ANKRD24: variants seen among roughly 807,000 people sequenced by gnomAD.
ANKRD24 encodes ankyrin repeat domain 24.
In ANKRD24, 109 loss-of-function variants were observed where a neutral mutation model predicts 127.8. The ratio of observed to expected loss-of-function variants is 0.85; its 90% CI spans 0.73 to 1.00. The LOEUF is 1.00. ANKRD24 is among the 50% of genes least tolerant of loss of function. The pLI, the probability that ANKRD24 is intolerant of heterozygous loss-of-function variation, is 0.00. For missense variants in ANKRD24, 1,648 were observed against 1,570.2 expected (o/e 1.05, Z -0.84); for synonymous variants, 743 against 671.1 (o/e 1.11, Z -1.66).
At chr19:4,216,143 G>A in intron 16 of ANKRD24, 93 bp downstream of exon 16, 1 of 1,445,384 alleles carries the variant, frequency 6.9e-7, no homozygotes, top group South Asian at 1.2e-5. Flanking sequence ...TTGAAGCTGG[G>A]AGGGAGGTTT....
At position 4,195,651 on chromosome 19, in the gene ANKRD24, ACTTTGAGAGGC is replaced by A. The variant is rs1968684285; in HGVS notation, c.37-4030_37-4020del. 6.6e-6 allele frequency among the ~76,000 whole-genome samples: 1 copy of A among 152,084 alleles called. No individual in the cohort carries two copies. Among genetic ancestry groups the A allele is most frequent in the Non-Finnish European group, 1.5e-5 (1 of 68,010 alleles). ...AGTGGCTCACGCCTGTAATCCCAAC[ACTTTGAGAGGC>A]CAAGGCAGGTGGATCACGAGGTCAG... On this transcript the variant is annotated intron_variant, in intron 2 of 21. Transcript: ENST00000318934. This position sits in a 1 kb window ranked among gnomAD's most constrained non-coding sequence, Gnocchi z 4.2.
rs1414765970 is a variant in ANKRD24, at chr19:4,218,313, T to TTATG, written c.3003+151_3003+152insATGT. The TTATG allele has an allele frequency of 1.8e-5, 12 of 679,762 alleles. No homozygotes were observed. The African/African-American group carries it at 1.9e-4, about 11-fold the overall frequency. The allele number at this position is 679,762 out of a possible 1,614,324, so 42.1% of individuals were successfully genotyped here. ...TTTATTTATTTATTTATTTATTTAT[T>TTATG]TTTGAGATGGAGTTTCACTCGTGTC... On this transcript the variant is annotated intron_variant, in intron 18 of 21. Coordinates refer to ENST00000318934, the MANE Select transcript of ANKRD24 (RefSeq NM_001393985.1).
chr19:4,217,417 A>C lies in ANKRD24; in HGVS notation c.2257A>C (p.Lys753Gln), dbSNP rs1440281572. The C allele has an allele frequency of 1.3e-6, 2 of 1,546,636 alleles. No individual in the cohort carries two copies. The highest frequency in any genetic ancestry group is 1.7e-6 in the Non-Finnish European group (2 of 1,145,770). The change falls in exon 18 of 22, where the codon AAG becomes CAG. Residue 753 changes from lysine to glutamine, a missense_variant. By Grantham distance (53) the Lys-to-Gln change is moderately conservative. Transcript: ENST00000318934. The part of the protein sequence containing the change: ...AAAELEAALG[K>Q]CEAAEAEAGR... ...TGCGGAGCTGGAGGCGGCCCTGGGG[A>C]AGTGCGAGGCCGCGGAGGCCGAGGC...
intron 2 of ANKRD24, among the ~76,000 whole-genome samples, chr19:4,194,948 C>T (rs531479085): frequency 7.0e-4 from 107 of 152,106 alleles, no homozygotes; most frequent in African/African-American, 2.2e-3. Flanking sequence ...CAGTGGGCTC[C>T]GAGGGGCATT....
chr19:4,185,377 G>T (rs1461298606), intron 1 of ANKRD24, among the ~76,000 whole-genome samples: 1 of 152,052 alleles, frequency 6.6e-6, no homozygotes, highest in Non-Finnish European at 1.5e-5. Flanking sequence ...TGCATAGGTG[G>T]TAAATGCGTG....
chr19:4,212,025 C>T (rs1969769298), intron 13 of ANKRD24, among the ~76,000 whole-genome samples: 1 of 152,004 alleles, frequency 6.6e-6, no homozygotes, highest in Admixed American at 6.6e-5. Flanking sequence ...ACCGTGAAAC[C>T]CCGTCTCTAC....
chr19:4,188,619 C>A lies in ANKRD24; in HGVS notation c.36+2158C>A, dbSNP rs563036765. 6.7e-4 allele frequency among the ~76,000 whole-genome samples: 102 copies of A among 152,046 alleles called. 2 individuals are homozygous for A. Among genetic ancestry groups the A allele is most frequent in the Middle Eastern group, 6.8e-3 (2 of 292 alleles). ...CTGGTCTTAAACTCCTGGCCTCAAGCGATCCTCCTAACTCCCACCCAGAGT... is the reference window on the plus strand; with the variant it reads ...CTGGTCTTAAACTCCTGGCCTCAAGAGATCCTCCTAACTCCCACCCAGAGT... On this transcript the variant is annotated intron_variant, in intron 2 of 21. Transcript: ENST00000318934.
At chr19:4,220,048 G>A (rs557362885) in intron 19 of ANKRD24, among the ~76,000 whole-genome samples, 1 of 152,062 alleles carries the variant, frequency 6.6e-6, no homozygotes, top group Non-Finnish European at 1.5e-5. Context: ...GCATGATCTC[G>A]GCTCACTGCA....
chr19:4,220,656 G>A (rs992759790), intron 19 of ANKRD24, among the ~76,000 whole-genome samples: 3 of 151,952 alleles, frequency 2.0e-5, no homozygotes, highest in Admixed American at 2.0e-4. Flanking sequence ...CCGGGTTCAC[G>A]CCATTCTCCT....
chr19:4,215,853 C>T, intron 15 of ANKRD24, 125 bp from the exon 16 acceptor site: 2 of 698,762 alleles, frequency 2.9e-6, no homozygotes, highest in Non-Finnish European at 4.7e-6. Context: ...GGGCCAAATG[C>T]AGCCATCTGG....
rs766573730 is a variant in ANKRD24, at chr19:4,212,518, G to C, written c.1098+5G>C. The C allele has an allele frequency of 1.3e-5, 20 of 1,557,862 alleles. No individual in the cohort carries two copies. In the African/African-American group the frequency reaches 2.6e-4, roughly 20 times the overall value. ...CTGCACATCCTGGAGAGACAGGTAG[G>C]TGGGAAGGTGGGGAGGAGCCGGTCC... On this transcript the variant is annotated splice_donor_5th_base_variant and intron_variant, in intron 14 of 21. Transcript: ENST00000318934.
Position 4,207,342 on chromosome 19 carries a change from T to G in ANKRD24, c.537+30T>G, listed in dbSNP as rs748039011. On this transcript the variant is annotated intron_variant, in intron 8 of 21. Coordinates refer to ENST00000318934, the MANE Select transcript of ANKRD24 (RefSeq NM_001393985.1). ...GCTTCTGGGATCTCTTCAGGGAAGA[T>G]GTTATGCTTGAGGTATGCTGCCACC... The G allele has an allele frequency of 3.1e-6, 5 of 1,609,064 alleles. No individual in the cohort carries two copies. The South Asian group carries it at 3.3e-5, about 11-fold the overall frequency.
At chr19:4,214,964 C>T (rs963964206) in intron 15 of ANKRD24, among the ~76,000 whole-genome samples, 1 of 152,196 alleles carries the variant, frequency 6.6e-6, no homozygotes, top group Non-Finnish European at 1.5e-5. Context: ...ACACCTCCAG[C>T]CAGCTCTTTG....
chr19:4,221,328 A>G (rs909969465), intron 19 of ANKRD24, among the ~76,000 whole-genome samples: 1 of 152,024 alleles, frequency 6.6e-6, no homozygotes, highest in Non-Finnish European at 1.5e-5. Flanking sequence ...TCAGCCTCCC[A>G]AAGTGCTGGG....
At chr19:4,192,697 A>G (rs1258680886) in intron 2 of ANKRD24, among the ~76,000 whole-genome samples, 1 of 148,472 alleles carries the variant, frequency 6.7e-6, no homozygotes, top group African/African-American at 2.5e-5. Flanking sequence ...TTAGGAGATC[A>G]AGATGGGAGG....
chr19:4,183,177 T>G (rs1206573235), intron 1 of ANKRD24, among the ~76,000 whole-genome samples: 1 of 151,978 alleles, frequency 6.6e-6, no homozygotes, highest in Non-Finnish European at 1.5e-5. Context: ...ACGGGGTTTC[T>G]CCATGTTGGT....
rs771278821 is a variant in ANKRD24, at chr19:4,207,231, C to G, written c.467-11C>G. ...GAGCTACCGCACCGGACAACCTTTTCTCTTTTGCAGCGGCTGGTGGCTGTC... is the reference window on the plus strand; with the variant it reads ...GAGCTACCGCACCGGACAACCTTTTGTCTTTTGCAGCGGCTGGTGGCTGTC... On this transcript the variant is annotated splice_polypyrimidine_tract_variant and intron_variant, in intron 7 of 21. Coordinates refer to ENST00000318934, the MANE Select transcript of ANKRD24 (RefSeq NM_001393985.1). 2 of 1,613,490 alleles carry G rather than the reference C, an allele frequency of 1.2e-6. No individual in the cohort carries two copies. Among genetic ancestry groups the G allele is most frequent in the East Asian group, 2.2e-5 (1 of 44,868 alleles).
intron 9 of ANKRD24, 56 bp downstream of exon 9, chr19:4,207,663 C>T: frequency 6.2e-7 from 1 of 1,604,428 alleles, no homozygotes. Flanking sequence ...TTCGGCAAGA[C>T]TTAACCTAAG....
At chr19:4,221,095 T>G (rs1319125499) in intron 19 of ANKRD24, among the ~76,000 whole-genome samples, 3 of 151,962 alleles carry the variant, frequency 2.0e-5, no homozygotes, top group Non-Finnish European at 2.9e-5. Flanking sequence ...TCTTTTTTTT[T>G]TGAGAGAAAG....
Sources: gnomAD v4.1 joint callset for allele counts (sites outside exome capture counted in the v4.1 genomes callset) on GRCh38, gnomAD v4.1.1 for gene constraint, Gnocchi (gnomAD v3.1) non-coding constraint, MANE v1.5 for transcripts, NCBI Gene and HGNC (gene_info 2026-07-23, HGNC 2026-07-21) for gene names.